Variants in PCDH15 observed in about 807,000 individuals in gnomAD.
PCDH15 encodes the protein protocadherin-15.
A neutral mutation model predicts 178.5 loss-of-function variants in PCDH15; 129 were observed. The observed-to-expected ratio is 0.72, with a 90% confidence interval of 0.63 to 0.84. The LOEUF (loss-of-function observed/expected upper bound fraction) is 0.84, where lower values mean the gene tolerates loss of function less well. PCDH15 is among the 40% of genes least tolerant of loss of function. The probability of loss-of-function intolerance (pLI) is 0.00; values close to 1 mark genes in which losing one functional copy is unlikely to be tolerated. For missense variants in PCDH15, 2,230 were observed against 2,099.9 expected (o/e 1.06, Z -1.21); for synonymous variants, 800 against 732.0 (o/e 1.09, Z -1.50).
At chr10:54,223,304 CAAAAAAA>C (rs57667414) in intron 9 of PCDH15, among the ~76,000 whole-genome samples, 1 of 30,684 alleles carries the variant, frequency 3.3e-5, no homozygotes, top group Non-Finnish European at 1.1e-4. Context: ...AACTACGTCT[CAAAAAAA>C]AAAAAAAAAA....
chr10:54,084,597 A>C (rs189927229), intron 16 of PCDH15, among the ~76,000 whole-genome samples: 298 of 152,238 alleles, frequency 2.0e-3, no homozygotes, highest in African/African-American at 6.9e-3. Context: ...AGTAATACCC[A>C]GTCTTAAGAA....
rs2081360420 is a variant in PCDH15, at chr10:53,888,824, GA to G, written c.3501+14418del. 2.7e-5 allele frequency among the ~76,000 whole-genome samples: 4 copies of G among 149,126 alleles called. No individual in the cohort carries two copies. In the South Asian group the frequency reaches 8.5e-4, roughly 32 times the overall value. ...AATAAGCAGAAGACTTACACTATCAGATATTATAAAACTATAGTAATTCAGA... is the reference window on the plus strand; with the variant it reads ...AATAAGCAGAAGACTTACACTATCAGTATTATAAAACTATAGTAATTCAGA... On this transcript the variant is annotated intron_variant, in intron 26 of 37. Coordinates refer to ENST00000644397, the MANE Select transcript of PCDH15 (RefSeq NM_001384140.1).
chr10:54,718,334 G>A (rs72794540), intron 1 of PCDH15, among the ~76,000 whole-genome samples: 18,450 of 151,944 alleles, frequency 0.12, 1,254 homozygotes, highest in African/African-American at 0.17. Context: ...GAATGAGATA[G>A]GCTTCCTGAG....
intron 2 of PCDH15, among the ~76,000 whole-genome samples, chr10:55,579,487 T>C (rs1422006890): frequency 6.6e-6 from 1 of 152,190 alleles, no homozygotes; most frequent in Non-Finnish European, 1.5e-5. Flanking sequence ...TGTCCTTAGC[T>C]AAAATTTTTA....
chr10:54,918,977 A>T (rs1261946763), intron 2 of PCDH15, among the ~76,000 whole-genome samples: 1 of 152,186 alleles, frequency 6.6e-6, no homozygotes, highest in Non-Finnish European at 1.5e-5. Context: ...TTGCCAGAGT[A>T]TCATATTGCG....
chr10:54,593,689 T>G (rs1157844715), intron 2 of PCDH15, among the ~76,000 whole-genome samples: 1 of 152,106 alleles, frequency 6.6e-6, no homozygotes, highest in Non-Finnish European at 1.5e-5. Flanking sequence ...ATTTTAGAAT[T>G]TTTTTTCCTA....
chr10:55,101,154 G>T (rs897559781), intron 2 of PCDH15, among the ~76,000 whole-genome samples: 1 of 151,942 alleles, frequency 6.6e-6, no homozygotes, highest in African/African-American at 2.4e-5. Context: ...AGAGGCGAGC[G>T]GATCACCTGA....
chr10:55,622,975 T>C (rs1837438232), intron 2 of PCDH15, among the ~76,000 whole-genome samples: 1 of 152,208 alleles, frequency 6.6e-6, no homozygotes, highest in African/African-American at 2.4e-5. Flanking sequence ...ACAGAGCATC[T>C]AACATGTGTT....
At chr10:55,365,590 G>A (rs1247869236) in intron 2 of PCDH15, among the ~76,000 whole-genome samples, 1 of 152,052 alleles carries the variant, frequency 6.6e-6, no homozygotes, top group Non-Finnish European at 1.5e-5. Flanking sequence ...CCCAGTGGGA[G>A]GTGATTGCAT....
At chr10:54,822,991 C>G (rs553351683) in intron 3 of PCDH15, among the ~76,000 whole-genome samples, 1 of 152,116 alleles carries the variant, frequency 6.6e-6, no homozygotes, top group African/African-American at 2.4e-5. Flanking sequence ...AAGAAATACT[C>G]CTGCCTCAGC....
At chr10:54,158,415 C>T (rs1367874621) in intron 13 of PCDH15, among the ~76,000 whole-genome samples, 2 of 152,088 alleles carry the variant, frequency 1.3e-5, no homozygotes, top group Non-Finnish European at 2.9e-5. Context: ...AAAATCTTGC[C>T]CCCATGATTC....
chr10:54,382,650 T>C (rs1276172359), intron 3 of PCDH15, among the ~76,000 whole-genome samples: 1 of 152,170 alleles, frequency 6.6e-6, no homozygotes, highest in Non-Finnish European at 1.5e-5. Context: ...ACAAACTGTG[T>C]TGTGTTCTGA....
At chr10:54,743,251 T>C (rs915531639) in intron 1 of PCDH15, among the ~76,000 whole-genome samples, 2 of 152,102 alleles carry the variant, frequency 1.3e-5, no homozygotes, top group African/African-American at 4.8e-5. Context: ...AGATTCATCT[T>C]TTTATTCAGG....
intron 13 of PCDH15, among the ~76,000 whole-genome samples, chr10:54,179,596 AG>A (rs2047786114): frequency 6.6e-6 from 1 of 152,160 alleles, no homozygotes; most frequent in East Asian, 1.9e-4. Context: ...TTAAAAAAAA[AG>A]AAGTACAATT....
rs570902967 is a variant in PCDH15, at chr10:54,037,492, G to A, written c.2221-14295C>T. Among the ~76,000 whole-genome samples the A allele has an allele frequency of 5.3e-5, 8 of 151,940 alleles. No individual in the cohort carries two copies. In the South Asian group the frequency reaches 1.7e-3, roughly 32 times the overall value. ...TTGCTGAAGGTTCAGATGATTGACA[G>A]TATTTTTTTAAGCCATAAAACACTT... On this transcript the variant is annotated intron_variant, in intron 18 of 37. Coordinates refer to ENST00000644397, the MANE Select transcript of PCDH15 (RefSeq NM_001384140.1).
At chr10:54,511,197 C>T (rs1258354473) in intron 3 of PCDH15, among the ~76,000 whole-genome samples, 2 of 152,240 alleles carry the variant, frequency 1.3e-5, no homozygotes, top group South Asian at 2.1e-4. Flanking sequence ...CATTGTACCT[C>T]GTGTGGGTAC....
At chr10:54,177,775 C>T (rs1439537293) in intron 13 of PCDH15, among the ~76,000 whole-genome samples, 1 of 152,102 alleles carries the variant, frequency 6.6e-6, no homozygotes, top group Non-Finnish European at 1.5e-5. Flanking sequence ...GATATAGCTG[C>T]CTCCAACACG....
chr10:54,051,136 T>C (rs888000304), intron 18 of PCDH15, among the ~76,000 whole-genome samples: 7 of 152,166 alleles, frequency 4.6e-5, no homozygotes, highest in Non-Finnish European at 8.8e-5. Context: ...CTCGAGTATG[T>C]CTTTATTAGC....
chr10:54,678,810 TACA>T (rs1565921663), intron 1 of PCDH15, among the ~76,000 whole-genome samples: 1 of 152,186 alleles, frequency 6.6e-6, no homozygotes, highest in Non-Finnish European at 1.5e-5. Flanking sequence ...ATAATAATGA[TACA>T]ACATTAAATA....
Sources: allele counts gnomAD v4.1 joint callset (sites outside exome capture counted in the v4.1 genomes callset), GRCh38; gene constraint gnomAD v4.1.1; transcripts MANE v1.5; gene names NCBI Gene and HGNC (gene_info 2026-07-23, HGNC 2026-07-21).